Variants in BLTP1 observed in about 807,000 individuals in gnomAD.
BLTP1 encodes bridge-like lipid transfer protein family member 1, also known as fragile site-associated protein.
At chr4:122,334,209 G>A in the BLTP1 span, 1 of 839,208 alleles carries the variant, frequency 1.2e-6, no homozygotes, top group Non-Finnish European at 1.8e-6. Context: ...AAACTTGCCA[G>A]GATCACAAAG....
the BLTP1 span, chr4:122,204,071 A>G: frequency 5.8e-6 from 1 of 171,486 alleles, no homozygotes; most frequent in Non-Finnish European, 1.2e-5. Flanking sequence ...GAGATTCAAA[A>G]CAAACATTAA....
At chr4:122,346,616 G>A in the BLTP1 span, 1 of 1,609,350 alleles carries the variant, frequency 6.2e-7, no homozygotes, top group African/African-American at 1.3e-5. Flanking sequence ...TGTTATTTAT[G>A]TATCAGCTGT....
At chr4:122,289,013 T>A in the BLTP1 span, 1 of 1,464,180 alleles carries the variant, frequency 6.8e-7, no homozygotes, top group Non-Finnish European at 9.3e-7. Flanking sequence ...TTCCTCAGTT[T>A]AGGGTGATTT....
the BLTP1 span, chr4:122,255,169 C>T: frequency 6.2e-7 from 1 of 1,605,306 alleles, no homozygotes; most frequent in Non-Finnish European, 8.5e-7. Flanking sequence ...GTAAATACAA[C>T]AGGCTTACAA....
the BLTP1 span, chr4:122,192,188 T>G: frequency 6.3e-7 from 1 of 1,593,304 alleles, no homozygotes; most frequent in South Asian, 1.1e-5. Flanking sequence ...TTAATGGCCA[T>G]TTTAAATAAC....
the BLTP1 span, chr4:122,315,445 CT>C: frequency 6.2e-7 from 1 of 1,613,580 alleles, no homozygotes; most frequent in African/African-American, 1.3e-5. Flanking sequence ...AAAAATGCAA[CT>C]TCTTTATTTA....
chr4:122,285,337 T>A, the BLTP1 span, among the ~76,000 whole-genome samples: 1 of 152,170 alleles, frequency 6.6e-6, no homozygotes, highest in East Asian at 1.9e-4. Flanking sequence ...ATCTTGGCGT[T>A]TTTATTTCAA....
At chr4:122,301,422 T>C in the BLTP1 span, 25 of 1,412,726 alleles carry the variant, frequency 1.8e-5, no homozygotes, top group African/African-American at 8.8e-5. Flanking sequence ...ATGATACTTT[T>C]ATAAAAATTT....
the BLTP1 span, chr4:122,209,228 G>A: frequency 1.9e-6 from 3 of 1,612,836 alleles, no homozygotes; most frequent in African/African-American, 2.7e-5. Context: ...ATTTATGCTG[G>A]TAAAAAATTG....
chr4:122,249,395 C>T, the BLTP1 span: 1 of 1,527,854 alleles, frequency 6.5e-7, no homozygotes, highest in East Asian at 2.3e-5. Context: ...CTTTTAAAGA[C>T]AACCAGTGTG....
the BLTP1 span, chr4:122,247,531 A>T: frequency 9.6e-7 from 1 of 1,046,402 alleles, no homozygotes; most frequent in East Asian, 2.6e-5. Flanking sequence ...TGTCACTCAC[A>T]TTCTGTACAG....
the BLTP1 span, chr4:122,331,345 G>A: frequency 6.2e-7 from 1 of 1,610,764 alleles, no homozygotes. Context: ...TCGTAAAAAA[G>A]CAACAGGCTT....
chr4:122,222,404 A>G, the BLTP1 span, among the ~76,000 whole-genome samples: 1 of 152,184 alleles, frequency 6.6e-6, no homozygotes, highest in African/African-American at 2.4e-5. Flanking sequence ...GTGTCCCATT[A>G]TGACACTATG....
the BLTP1 span, among the ~76,000 whole-genome samples, chr4:122,236,539 T>C: frequency 6.6e-6 from 1 of 152,178 alleles, no homozygotes. Flanking sequence ...TGAGACTGAG[T>C]TGCATGAAGT....
At chr4:122,293,958 AGACTGCTTCTTTAAGTGG>A in the BLTP1 span, among the ~76,000 whole-genome samples, 1 of 152,222 alleles carries the variant, frequency 6.6e-6, no homozygotes, top group Non-Finnish European at 1.5e-5. Context: ...GATTGTGGCC[AGACTGCTTCTTTAAGTGG>A]GACTCCACTA....
At chr4:122,252,544 G>A in the BLTP1 span, among the ~76,000 whole-genome samples, 2 of 152,198 alleles carry the variant, frequency 1.3e-5, no homozygotes, top group East Asian at 1.9e-4. Context: ...GATGGTGGTG[G>A]CCATGGGGTA....
the BLTP1 span, chr4:122,343,927 A>G: frequency 2.2e-6 from 2 of 906,854 alleles, no homozygotes; most frequent in Non-Finnish European, 2.6e-6. Context: ...CATTTATACA[A>G]CAAACTGCGT....
chr4:122,305,400 A>T, the BLTP1 span: 1 of 953,186 alleles, frequency 1.0e-6, no homozygotes, highest in Middle Eastern at 5.4e-4. Context: ...TCTATTTTAT[A>T]AAAATGAATG....
At chr4:122,235,297 A>G in the BLTP1 span, 1 of 949,880 alleles carries the variant, frequency 1.1e-6, no homozygotes. Context: ...ATTTCCTTAC[A>G]TACTGTTATT....
Sources: allele counts gnomAD v4.1 joint callset (sites outside exome capture counted in the v4.1 genomes callset), GRCh38; gene constraint gnomAD v4.1.1; transcripts MANE v1.5; gene names NCBI Gene and HGNC (gene_info 2026-07-23, HGNC 2026-07-21).